Variants in PDE4D observed in about 807,000 individuals in gnomAD.
PDE4D encodes the protein phosphodiesterase 4D, also known as 3',5'-cyclic-AMP phosphodiesterase 4D.
Under a neutral mutation model 87.4 loss-of-function variants are expected in PDE4D, and 24 were observed. The ratio of observed to expected loss-of-function variants is 0.27; its 90% CI spans 0.20 to 0.39. The LOEUF is 0.39. Ranked by LOEUF, PDE4D falls within the 10% of genes least tolerant of loss-of-function variation. The probability of loss-of-function intolerance (pLI) is 1.00; values close to 1 mark genes in which losing one functional copy is unlikely to be tolerated. For synonymous variants in PDE4D, 384 were observed against 383.2 expected, an observed-to-expected ratio of 1.00 and a Z score of -0.02; for missense variants, 714 against 1,041.0, an observed-to-expected ratio of 0.69 and a Z score of 4.32.
intron 2 of PDE4D, among the ~76,000 whole-genome samples, chr5:59,994,512 A>C (rs1414132615): frequency 6.6e-6 from 1 of 152,096 alleles, no homozygotes; most frequent in East Asian, 1.9e-4. Context: ...GTTACATTAC[A>C]TGCTCATTGA....
intron 1 of PDE4D, among the ~76,000 whole-genome samples, chr5:60,243,178 G>A (rs960683828): frequency 1.3e-5 from 2 of 151,920 alleles, no homozygotes; most frequent in Non-Finnish European, 2.9e-5. Flanking sequence ...ATCGTTAGTG[G>A]CTACTATGAG....
chr5:58,984,018 T>C (rs2153324541), intron 11 of PDE4D, among the ~76,000 whole-genome samples: 1 of 152,334 alleles, frequency 6.6e-6, no homozygotes, highest in Non-Finnish European at 1.5e-5. Flanking sequence ...ACTATAGATA[T>C]GTATCCTGTA....
intron 1 of PDE4D, among the ~76,000 whole-genome samples, chr5:59,762,854 G>GACATATAT (rs1554079481): frequency 1.9e-5 from 1 of 51,688 alleles, no homozygotes; most frequent in Non-Finnish European, 3.8e-5. Context: ...ACTGCTTAAG[G>GACATATAT]ATATATATAT....
intron 3 of PDE4D, among the ~76,000 whole-genome samples, chr5:59,979,613 A>AC (rs1274695892): frequency 6.6e-6 from 1 of 152,152 alleles, no homozygotes; most frequent in Non-Finnish European, 1.5e-5. Flanking sequence ...AACAAAGTTG[A>AC]CCCATCATCC....
At chr5:59,425,470 T>A (rs961742717) in intron 1 of PDE4D, among the ~76,000 whole-genome samples, 3 of 152,002 alleles carry the variant, frequency 2.0e-5, no homozygotes, top group Admixed American at 2.0e-4. Context: ...CTTATTACAA[T>A]AAAAAAAGTC....
intron 1 of PDE4D, among the ~76,000 whole-genome samples, chr5:60,383,245 AT>A (rs1761985602): frequency 6.6e-6 from 1 of 152,226 alleles, no homozygotes; most frequent in African/African-American, 2.4e-5. Flanking sequence ...GGGCAAAAAA[AT>A]GAAAAACACT....
At chr5:59,816,435 G>GA (rs1281862209) in intron 1 of PDE4D, among the ~76,000 whole-genome samples, 6 of 151,736 alleles carry the variant, frequency 4.0e-5, no homozygotes, top group Non-Finnish European at 5.9e-5. Context: ...ATGCTCTTGG[G>GA]AAAAAAAATG....
intron 1 of PDE4D, among the ~76,000 whole-genome samples, chr5:59,874,671 T>C (rs1440315565): frequency 6.6e-6 from 1 of 152,170 alleles, no homozygotes; most frequent in African/African-American, 2.4e-5. Flanking sequence ...AAAGAAAATA[T>C]TTGCTTCGGA....
At chr5:60,260,042 C>T (rs1016154367) in intron 1 of PDE4D, among the ~76,000 whole-genome samples, 2 of 151,342 alleles carry the variant, frequency 1.3e-5, no homozygotes, top group Admixed American at 1.3e-4. Flanking sequence ...TTTTTTAAGC[C>T]AAAATATGTG....
intron 1 of PDE4D, among the ~76,000 whole-genome samples, chr5:59,729,915 TCTTTTGTACACAAATGTACAA>T (rs1312733226): frequency 2.6e-5 from 4 of 152,096 alleles, no homozygotes; most frequent in Admixed American, 1.3e-4. Flanking sequence ...AAAAATGCAG[TCTTTTGTACACAAATGTACAA>T]AATAGCCCCA....
chr5:59,241,550 G>A (rs928027785), intron 1 of PDE4D, among the ~76,000 whole-genome samples: 11 of 152,170 alleles, frequency 7.2e-5, no homozygotes, highest in African/African-American at 1.7e-4. Context: ...TTTGTTAAGC[G>A]CCCAGCTTAA....
intron 1 of PDE4D, among the ~76,000 whole-genome samples, chr5:59,300,026 C>T (rs759555413): frequency 2.8e-5 from 4 of 145,048 alleles, no homozygotes; most frequent in South Asian, 2.2e-4. Context: ...GCAGGAGAAT[C>T]GCTTGAACTC....
At chr5:59,644,151 T>C (rs1229683539) in intron 1 of PDE4D, among the ~76,000 whole-genome samples, 2 of 152,220 alleles carry the variant, frequency 1.3e-5, no homozygotes, top group Non-Finnish European at 2.9e-5. Flanking sequence ...GAGCTTTATC[T>C]ATTTCGTGGC....
chr5:59,051,887 C>A (rs888343758), intron 5 of PDE4D, among the ~76,000 whole-genome samples: 6 of 152,138 alleles, frequency 3.9e-5, no homozygotes, highest in Non-Finnish European at 8.8e-5. Context: ...TCTCTTCCTC[C>A]TGACTTTGTA....
intron 5 of PDE4D, among the ~76,000 whole-genome samples, chr5:59,099,253 G>A (rs1000231440): frequency 2.0e-5 from 3 of 152,136 alleles, no homozygotes; most frequent in Non-Finnish European, 4.4e-5. Flanking sequence ...GACACAACTG[G>A]TTAGCCAAAG....
chr5:60,511,264 C>T (rs1313551471), intron 1 of PDE4D, among the ~76,000 whole-genome samples: 1 of 152,112 alleles, frequency 6.6e-6, no homozygotes, highest in Non-Finnish European at 1.5e-5. Flanking sequence ...CCACCATGCC[C>T]AGCCCTGCCA....
chr5:60,431,534 T>G (rs1744304576), intron 1 of PDE4D, among the ~76,000 whole-genome samples: 1 of 144,896 alleles, frequency 6.9e-6, no homozygotes, highest in Non-Finnish European at 1.5e-5. Flanking sequence ...GAAGAGGCGC[T>G]CCTCACTTCC....
chr5:60,434,694 A>C (rs1457291565), intron 1 of PDE4D, among the ~76,000 whole-genome samples: 2 of 152,142 alleles, frequency 1.3e-5, no homozygotes, highest in Non-Finnish European at 2.9e-5. Context: ...GTAGAATCTG[A>C]ATCCATTCCT....
At chr5:59,076,351 G>A (rs1377036932) in intron 5 of PDE4D, among the ~76,000 whole-genome samples, 1 of 152,092 alleles carries the variant, frequency 6.6e-6, no homozygotes, top group Non-Finnish European at 1.5e-5. Flanking sequence ...AAAAGTCCCT[G>A]ATTTGTACTT....
Sources: gnomAD v4.1 joint callset for allele counts (sites outside exome capture counted in the v4.1 genomes callset) on GRCh38, gnomAD v4.1.1 for gene constraint, MANE v1.5 for transcripts, NCBI Gene and HGNC (gene_info 2026-07-23, HGNC 2026-07-21) for gene names.